The following RICTOR variants were observed in gnomAD, a reference collection of about 807,000 sequenced individuals.
RICTOR encodes the protein rapamycin-insensitive companion of mTOR.
In RICTOR, 49 loss-of-function variants were observed where a neutral mutation model predicts 214.9. The observed-to-expected ratio is 0.23, with a 90% CI of 0.18 to 0.29. RICTOR has a LOEUF of 0.29. Ranked by LOEUF, RICTOR falls within the 10% of genes least tolerant of loss-of-function variation. RICTOR has a pLI of 1.00. For synonymous variants in RICTOR, 717 were observed against 711.3 expected (o/e 1.01, Z -0.13); for missense variants, 1,625 against 2,047.0 (o/e 0.79, Z 3.98).
At chr5:39,045,107 C>T (rs1213112048) in intron 2 of RICTOR, among the ~76,000 whole-genome samples, 1 of 152,124 alleles carries the variant, frequency 6.6e-6, no homozygotes, top group Non-Finnish European at 1.5e-5. Context: ...GAATTGAGTA[C>T]TTGGGCTCAT....
At chr5:39,073,276 A>C (rs183114333) in intron 2 of RICTOR, among the ~76,000 whole-genome samples, 5 of 152,352 alleles carry the variant, frequency 3.3e-5, no homozygotes, top group African/African-American at 7.2e-5. Context: ...GTGGAAGAGA[A>C]AAGAATCTTG....
In RICTOR at chr5:38,955,579, A is replaced by G. The variant is rs745491514; in HGVS notation, c.2609+16T>C. The G allele has an allele frequency of 2.4e-5, 33 of 1,350,060 alleles. No individual in the cohort carries two copies. The highest frequency in any genetic ancestry group is 8.7e-5 in the Admixed American group (5 of 57,284). 83.6% of individuals were successfully genotyped at this position (1,350,060 alleles called of 1,614,324 possible). On this transcript the variant is annotated intron_variant, in intron 26 of 37. Coordinates refer to ENST00000357387, the MANE Select transcript of RICTOR (RefSeq NM_152756.5). The stretch of plus-strand genomic sequence containing the variant: ...TTATGATGAACTAGTTTTAAATCTG[A>G]TAACTGGGTACGCACCTTTGGTTAC...
intron 6 of RICTOR, among the ~76,000 whole-genome samples, chr5:38,994,196 AT>A (rs1399901630): frequency 6.6e-6 from 1 of 151,506 alleles, no homozygotes; most frequent in Non-Finnish European, 1.5e-5. Flanking sequence ...TCTCAAAAAA[AT>A]ATATATATAT....
chr5:39,000,092 C>A (rs1369601460), intron 5 of RICTOR, among the ~76,000 whole-genome samples: 1 of 151,686 alleles, frequency 6.6e-6, no homozygotes, highest in Non-Finnish European at 1.5e-5. Flanking sequence ...CATGAAGTAA[C>A]AACAAAGCTT....
chr5:39,066,897 T>G (rs1308408484), intron 2 of RICTOR, among the ~76,000 whole-genome samples: 1 of 152,218 alleles, frequency 6.6e-6, no homozygotes, highest in African/African-American at 2.4e-5. Flanking sequence ...GACTTCATTG[T>G]CCGTATCACT....
At chr5:38,989,803 C>A (rs573438310) in intron 7 of RICTOR, among the ~76,000 whole-genome samples, 1 of 152,226 alleles carries the variant, frequency 6.6e-6, no homozygotes, top group South Asian at 2.1e-4. Context: ...CAATGAAATA[C>A]CATCTCACCC....
At position 38,940,654 on chromosome 5, in the gene RICTOR, G is replaced by A. The variant is rs530526887; in HGVS notation, c.*1650C>T. 8 of 232,910 alleles carry A rather than the reference G, an allele frequency of 3.4e-5. No individual in the cohort carries two copies. Among genetic ancestry groups the A allele is most frequent in the Admixed American group, 1.7e-4 (3 of 17,784 alleles). 14.4% of individuals were successfully genotyped at this position (232,910 alleles called of 1,614,324 possible). On this transcript the variant is annotated 3_prime_UTR_variant, in exon 38 of 38. Coordinates refer to ENST00000357387, the MANE Select transcript of RICTOR (RefSeq NM_152756.5). ...CAGCCCTTATCTGCTTTGTTATAAT[G>A]TAAGTTGCTACACAGTGCACATAAG...
At chr5:38,980,312 A>G (rs1381156331) in intron 8 of RICTOR, among the ~76,000 whole-genome samples, 3 of 152,072 alleles carry the variant, frequency 2.0e-5, no homozygotes, top group Non-Finnish European at 4.4e-5. Flanking sequence ...AATGTCAGGC[A>G]TTGTGCACTT....
chr5:38,945,341 T>A, intron 34 of RICTOR, 150 bp downstream of exon 34: 1 of 630,656 alleles, frequency 1.6e-6, no homozygotes, highest in South Asian at 2.0e-5. Flanking sequence ...AGGATCAGCA[T>A]CTCAGCATAA....
In RICTOR at chr5:39,074,214, C is replaced by T; in HGVS notation, c.50-56G>A. 2.5e-6 allele frequency: 4 copies of T among 1,579,098 alleles called. No individual in the cohort carries two copies. The South Asian group carries it at 3.4e-5, about 13-fold the overall frequency. On this transcript the variant is annotated intron_variant, in intron 1 of 37. Coordinates refer to ENST00000357387, the MANE Select transcript of RICTOR (RefSeq NM_152756.5). ...GGATTGGCTCGCAGGCCAGCTGCGGCTGCCCTGGCTCCGGCCAGCGCCCCG... is the reference window on the plus strand; with the variant it reads ...GGATTGGCTCGCAGGCCAGCTGCGGTTGCCCTGGCTCCGGCCAGCGCCCCG...
intron 27 of RICTOR, among the ~76,000 whole-genome samples, chr5:38,954,527 A>G (rs112379751): frequency 6.6e-6 from 1 of 152,048 alleles, no homozygotes; most frequent in South Asian, 2.1e-4. Flanking sequence ...CTTACTCTAC[A>G]TAACAAGTTA....
At chr5:38,951,207 T>C (rs1748758950) in intron 30 of RICTOR, among the ~76,000 whole-genome samples, 2 of 151,974 alleles carry the variant, frequency 1.3e-5, no homozygotes, top group Admixed American at 6.6e-5. Context: ...TTAAATTATG[T>C]TTATTTCTCA....
rs1379283074 is a variant in RICTOR at position 38,940,231 on chromosome 5, T to A, written c.*2073A>T. On this transcript the variant is annotated 3_prime_UTR_variant, in exon 38 of 38. Transcript: ENST00000357387. ...CAAGGTGAGGGTACAGGGATAGTGA[T>A]GGTGGGGGAGGGGGTGTGTGTGTGT... The A allele has an allele frequency of 4.4e-6, 1 of 229,120 alleles. No individual in the cohort carries two copies. Among genetic ancestry groups the A allele is most frequent in the African/African-American group, 2.2e-5 (1 of 44,558 alleles). The allele number at this position is 229,120 out of a possible 1,614,324, so 14.2% of individuals were successfully genotyped here.
chr5:39,004,414 C>T (rs1753863378), intron 3 of RICTOR, among the ~76,000 whole-genome samples: 1 of 151,992 alleles, frequency 6.6e-6, no homozygotes, highest in Admixed American at 6.6e-5. Context: ...AGTCTGCCAT[C>T]AGTCTTATTG....
At chr5:38,961,718 G>A (rs1365900683) in intron 19 of RICTOR, among the ~76,000 whole-genome samples, 1 of 152,024 alleles carries the variant, frequency 6.6e-6, no homozygotes, top group Non-Finnish European at 1.5e-5. Flanking sequence ...TACATATCAT[G>A]AATACAGAAT....
intron 25 of RICTOR, among the ~76,000 whole-genome samples, chr5:38,955,974 A>T (rs1332685368): frequency 6.6e-6 from 1 of 152,004 alleles, no homozygotes; most frequent in Non-Finnish European, 1.5e-5. Flanking sequence ...CAACATATTG[A>T]AAATTCATTA....
intron 10 of RICTOR, among the ~76,000 whole-genome samples, chr5:38,974,614 G>C (rs555158777): frequency 6.6e-6 from 1 of 151,978 alleles, no homozygotes; most frequent in South Asian, 2.1e-4. Context: ...AGCTGATGAA[G>C]TATTTAAAAA....
At chr5:38,990,746 A>ATATATATCAGATATATCATATATAT (rs1164554083) in intron 7 of RICTOR, among the ~76,000 whole-genome samples, 1 of 113,596 alleles carries the variant, frequency 8.8e-6, no homozygotes, top group Non-Finnish European at 1.9e-5. Context: ...GATATATATG[A>ATATATATCAGATATATCATATATAT]GATATATGAT....
rs762809055 is a variant in RICTOR at position 38,950,437 on chromosome 5, G to A, written c.3411C>T (p.Pro1137=). 1.2e-6 allele frequency: 2 copies of A among 1,613,334 alleles called. No individual in the cohort carries two copies. Among genetic ancestry groups the A allele is most frequent in the South Asian group, 2.2e-5 (2 of 91,060 alleles). The change falls in exon 31 of 38, where the codon CCC becomes CCT. Residue 1137 remains proline, a synonymous_variant. Coordinates refer to ENST00000357387, the MANE Select transcript of RICTOR (RefSeq NM_152756.5). ...SNRRIRTLTE[P]SVDFNHSDDF... ...CATCACTATGATTAAAATCAACACTGGGCTCCGTAAGTGTTCTGATTCGCC... is the reference window on the plus strand; with the variant it reads ...CATCACTATGATTAAAATCAACACTAGGCTCCGTAAGTGTTCTGATTCGCC...
Sources: gnomAD v4.1 joint callset for allele counts (sites outside exome capture counted in the v4.1 genomes callset) on GRCh38, gnomAD v4.1.1 for gene constraint, MANE v1.5 for transcripts, NCBI Gene and HGNC (gene_info 2026-07-23, HGNC 2026-07-21) for gene names.